Variants in NBEA observed in about 807,000 individuals in gnomAD.
NBEA encodes lysosomal-trafficking regulator 2.
In NBEA, 44 loss-of-function variants were observed where a neutral mutation model predicts 343.4. The ratio of observed to expected loss-of-function variants is 0.13; its 90% CI spans 0.10 to 0.16. NBEA has a LOEUF of 0.16. Among genes scored for constraint, NBEA ranks in the 10% least tolerant of loss-of-function variants. The pLI is 1.00. For synonymous variants in NBEA, 1,175 were observed against 1,238.7 expected, an observed-to-expected ratio of 0.95 and a Z score of 1.08; for missense variants, 2,555 against 3,631.3, an observed-to-expected ratio of 0.70 and a Z score of 7.62.
intron 49 of NBEA, among the ~76,000 whole-genome samples, chr13:35,633,636 T>C (rs1949381854): frequency 6.6e-6 from 1 of 152,042 alleles, no homozygotes; most frequent in Admixed American, 6.5e-5. Context: ...TTGAATTTTA[T>C]GTACCTGTAT....
intron 47 of NBEA, among the ~76,000 whole-genome samples, chr13:35,602,649 A>G (rs1278934722): frequency 6.6e-6 from 1 of 152,190 alleles, no homozygotes; most frequent in Non-Finnish European, 1.5e-5. Context: ...GCTTACATCT[A>G]CATCTTAGTT....
intron 49 of NBEA, among the ~76,000 whole-genome samples, chr13:35,639,287 G>T (rs1257171538): frequency 6.6e-6 from 1 of 152,080 alleles, no homozygotes; most frequent in Non-Finnish European, 1.5e-5. Flanking sequence ...ACAAAGTGCA[G>T]ATATTATTTG....
rs377133084 is a variant in NBEA at position 35,432,272 on chromosome 13, A to T, written c.6183A>T (p.Gln2061His). Residue 2061 changes from glutamine to histidine, a missense_variant, in exon 39 of 59, where the codon CAA becomes CAT. Coordinates refer to ENST00000379939, the MANE Select transcript of NBEA (RefSeq NM_001385012.1). ...HGAWGAVSHSQLHDFWRLDYW... is the reference protein window; with the variant it reads ...HGAWGAVSHSHLHDFWRLDYW... ...CTTTTTTTCCCTCTACTCTTAGCCA[A>T]TTGCATGATTTCTGGCGTTTGGATT... The T allele has an allele frequency of 2.4e-5, 39 of 1,598,502 alleles. No individual in the cohort carries two copies. The highest frequency in any genetic ancestry group is 9.0e-5 in the East Asian group (4 of 44,484).
chr13:35,205,267 C>A (rs577233826), intron 31 of NBEA, among the ~76,000 whole-genome samples: 3 of 152,046 alleles, frequency 2.0e-5, no homozygotes, highest in African/African-American at 4.8e-5. Context: ...TCGGAGAAAT[C>A]GGTCAAATAC....
intron 1 of NBEA, among the ~76,000 whole-genome samples, chr13:35,011,681 T>C (rs187900936): frequency 1.5e-3 from 227 of 152,320 alleles, no homozygotes; most frequent in African/African-American, 5.3e-3. Flanking sequence ...TTGAACTACA[T>C]AATGATCTCG....
chr13:35,514,728 A>G (rs993420555), intron 41 of NBEA, among the ~76,000 whole-genome samples: 8 of 152,196 alleles, frequency 5.3e-5, no homozygotes, highest in African/African-American at 1.9e-4. Flanking sequence ...TCGAAAATAA[A>G]TAATTACCGG....
chr13:35,216,372 C>G (rs1023087223), intron 33 of NBEA, among the ~76,000 whole-genome samples: 3 of 151,940 alleles, frequency 2.0e-5, no homozygotes, highest in Non-Finnish European at 4.4e-5. Flanking sequence ...TTGCCTATCA[C>G]TGCTGTCACA....
intron 47 of NBEA, among the ~76,000 whole-genome samples, chr13:35,602,857 T>C (rs2082115984): frequency 6.6e-6 from 1 of 152,190 alleles, no homozygotes; most frequent in Non-Finnish European, 1.5e-5. Context: ...GACAGATCTT[T>C]CTAGGCCTTC....
chr13:35,588,647 T>G (rs1186850709), intron 46 of NBEA, among the ~76,000 whole-genome samples: 1 of 152,166 alleles, frequency 6.6e-6, no homozygotes, highest in Non-Finnish European at 1.5e-5. Context: ...CAGCTGCCAT[T>G]GGGCAAATCA....
intron 38 of NBEA, among the ~76,000 whole-genome samples, chr13:35,385,328 G>T (rs1243722234): frequency 6.6e-6 from 1 of 151,946 alleles, no homozygotes; most frequent in Non-Finnish European, 1.5e-5. Flanking sequence ...TAAGCATTTT[G>T]CTTCCACCTG....
At chr13:35,268,193 T>C (rs1040401470) in intron 34 of NBEA, among the ~76,000 whole-genome samples, 1 of 152,056 alleles carries the variant, frequency 6.6e-6, no homozygotes, top group African/African-American at 2.4e-5. Context: ...AATTCGGGCA[T>C]ATAATGCAAC....
chr13:35,561,292 A>G (rs1341476272), intron 44 of NBEA, among the ~76,000 whole-genome samples: 2 of 152,094 alleles, frequency 1.3e-5, no homozygotes, highest in African/African-American at 2.4e-5. Flanking sequence ...TATTATGTAA[A>G]TTCACTAGAA....
At chr13:35,381,547 T>C (rs996690449) in intron 38 of NBEA, among the ~76,000 whole-genome samples, 4 of 152,106 alleles carry the variant, frequency 2.6e-5, no homozygotes, top group African/African-American at 9.7e-5. Context: ...CCGCCAGGCT[T>C]CTTTGAGAAA....
intron 34 of NBEA, among the ~76,000 whole-genome samples, chr13:35,281,591 A>G (rs1474504915): frequency 6.6e-6 from 1 of 152,182 alleles, no homozygotes; most frequent in African/African-American, 2.4e-5. Context: ...TTTACCAATT[A>G]TGTTTTTTCT....
chr13:35,132,430 G>A (rs943037292), intron 17 of NBEA, among the ~76,000 whole-genome samples: 5 of 152,236 alleles, frequency 3.3e-5, no homozygotes, highest in African/African-American at 1.2e-4. Flanking sequence ...AAAGTGCTGG[G>A]ATTACAGGCG....
At position 35,668,382 on chromosome 13, in the gene NBEA, C is replaced by A. The variant is rs1301742577; in HGVS notation, c.8676C>A (p.Ser2892Arg). The change falls in exon 58 of 59, where the codon AGC becomes AGA. Residue 2892 changes from serine (S) to arginine (R), a missense_variant. Physicochemically the swap from Ser to Arg is moderately radical, Grantham distance 110. Coordinates refer to ENST00000379939, the MANE Select transcript of NBEA (RefSeq NM_001385012.1). The stretch of plus-strand genomic sequence containing the variant: ...CTTTTCTGAAGGCCATTCTCCTGAG[C>A]AGTGACGGCCAGAACCTGGTCACCG... The part of the protein sequence containing the change: ...INDSTRAILL[S>R]SDGQNLVTGG... 1 of 1,605,940 alleles carries A rather than the reference C, an allele frequency of 6.2e-7. No individual in the cohort carries two copies. The highest frequency in any genetic ancestry group is 8.5e-7 in the Non-Finnish European group (1 of 1,175,822).
intron 41 of NBEA, among the ~76,000 whole-genome samples, chr13:35,525,405 T>C (rs1485421842): frequency 1.3e-5 from 2 of 151,890 alleles, no homozygotes. Context: ...TACAAAAAAT[T>C]AGCCAGTCGT....
chr13:35,112,906 C>T (rs1356417351), intron 13 of NBEA, among the ~76,000 whole-genome samples: 3 of 151,974 alleles, frequency 2.0e-5, no homozygotes, highest in Non-Finnish European at 4.4e-5. Flanking sequence ...CAGAGGACAC[C>T]CATTAATATC....
chr13:35,229,519 A>G (rs1008219094), intron 33 of NBEA, among the ~76,000 whole-genome samples: 1 of 152,032 alleles, frequency 6.6e-6, no homozygotes, highest in Non-Finnish European at 1.5e-5. Context: ...AGAAAATTTT[A>G]TTTATTTTTA....
Sources: allele counts gnomAD v4.1 joint callset (sites outside exome capture counted in the v4.1 genomes callset), GRCh38; gene constraint gnomAD v4.1.1; transcripts MANE v1.5; gene names NCBI Gene and HGNC (gene_info 2026-07-23, HGNC 2026-07-21).